Variants in MPHOSPH6 observed in about 807,000 individuals in gnomAD.
MPHOSPH6 encodes the protein M-phase phosphoprotein 6.
MPHOSPH6 carries 25 observed loss-of-function variants against 21.8 expected under a neutral mutation model. That is an observed-to-expected ratio of 1.15 (90% CI 0.83 to 1.60). MPHOSPH6 has a LOEUF of 1.60. MPHOSPH6 is among the 40% of genes most tolerant of loss of function. The probability of loss-of-function intolerance (pLI) is 0.00; values close to 1 mark genes in which losing one functional copy is unlikely to be tolerated. For synonymous variants in MPHOSPH6, 84 were observed against 56.5 expected (o/e 1.49, Z -2.18); for missense variants, 269 against 181.8 (o/e 1.48, Z -2.76).
intron 2 of MPHOSPH6, among the ~76,000 whole-genome samples, chr16:82,152,094 G>T (rs1326358154): frequency 6.6e-6 from 1 of 152,188 alleles, no homozygotes; most frequent in East Asian, 1.9e-4. Context: ...TTACCAAGAG[G>T]ATAAAAAGGA....
Position 82,164,205 on chromosome 16 carries a change from A to G in MPHOSPH6, c.52-11T>C. ...TCCCCTTTGCATAAACTGTGAAAACAAACAAAATCAATGTCAGAAACTTTT... is the reference window on the plus strand; with the variant it reads ...TCCCCTTTGCATAAACTGTGAAAACGAACAAAATCAATGTCAGAAACTTTT... On this transcript the variant is annotated splice_polypyrimidine_tract_variant and intron_variant, in intron 1 of 4. Transcript: ENST00000258169. 6.4e-7 allele frequency: 1 copy of G among 1,554,704 alleles called. No individual in the cohort carries two copies. The highest frequency in any genetic ancestry group is 8.8e-7 in the Non-Finnish European group (1 of 1,140,012).
chr16:82,163,572 C>G (rs539740318), intron 2 of MPHOSPH6, among the ~76,000 whole-genome samples: 3 of 152,190 alleles, frequency 2.0e-5, no homozygotes, highest in African/African-American at 7.2e-5. Flanking sequence ...GATTCAATAA[C>G]TACAGATGTA....
rs558161854 is a variant in MPHOSPH6, at chr16:82,163,836, G to A, written c.164+246C>T. ...GGTCTGCTGTTACTATCAGAGATAT[G>A]TGGGCTAGGTTCCTTCATTCAATGT... On this transcript the variant is annotated intron_variant, in intron 2 of 4. Coordinates refer to ENST00000258169, the MANE Select transcript of MPHOSPH6 (RefSeq NM_005792.2). 1.8e-5 allele frequency: 7 copies of A among 380,388 alleles called. No individual in the cohort carries two copies. In the East Asian group the frequency reaches 3.7e-4, roughly 20 times the overall value. 23.6% of individuals were successfully genotyped at this position (380,388 alleles called of 1,614,324 possible).
chr16:82,159,570 A>G (rs943236908), intron 2 of MPHOSPH6, among the ~76,000 whole-genome samples: 2 of 152,014 alleles, frequency 1.3e-5, no homozygotes, highest in African/African-American at 2.4e-5. Context: ...ATGCCTGGCT[A>G]ATTTTTTTTG....
At position 82,164,096 on chromosome 16, in the gene MPHOSPH6, C is replaced by T; in HGVS notation, c.150G>A (p.Glu50=). The change falls in exon 2 of 5, where the codon GAG becomes GAA. Residue 50 remains glutamate, a synonymous_variant. Coordinates refer to ENST00000258169, the MANE Select transcript of MPHOSPH6 (RefSeq NM_005792.2). ...SEEHWYLDLP[E]LKEKESFIIE... ...AATAAACCTACTCTTTCTCTTTAAG[C>T]TCTGGCAAATCCAAGTACCAGTGCT... 2.5e-6 allele frequency: 4 copies of T among 1,610,368 alleles called. No individual in the cohort carries two copies. The highest frequency in any genetic ancestry group is 3.4e-6 in the Non-Finnish European group (4 of 1,177,684).
chr16:82,149,944 A>G (rs1010662551), intron 3 of MPHOSPH6, among the ~76,000 whole-genome samples: 3 of 151,758 alleles, frequency 2.0e-5, no homozygotes, highest in African/African-American at 4.8e-5. Flanking sequence ...CCCATGTAAC[A>G]TCCATGCACC....
rs939911487 is a variant in MPHOSPH6 at position 82,148,601 on chromosome 16, T to C, written c.*130A>G. ...ACATCTGTTTCAAAAACAGCATGTT[T>C]CTAAAATGATAATCTCTTTACAAGT... On this transcript the variant is annotated 3_prime_UTR_variant, in exon 5 of 5. Coordinates refer to ENST00000258169, the MANE Select transcript of MPHOSPH6 (RefSeq NM_005792.2). The C allele has an allele frequency of 2.8e-5, 33 of 1,177,092 alleles. No homozygotes were observed. The African/African-American group carries it at 4.6e-4, about 16-fold the overall frequency. 72.9% of individuals were successfully genotyped at this position (1,177,092 alleles called of 1,614,324 possible).
At chr16:82,169,074 G>C (rs1567617654) in intron 1 of MPHOSPH6, among the ~76,000 whole-genome samples, 1 of 152,200 alleles carries the variant, frequency 6.6e-6, no homozygotes, top group South Asian at 2.1e-4. Context: ...AATTGCATAG[G>C]TTAATATACG....
intron 2 of MPHOSPH6, among the ~76,000 whole-genome samples, chr16:82,162,508 G>A (rs535478281): frequency 5.9e-5 from 9 of 152,284 alleles, no homozygotes; most frequent in South Asian, 2.1e-4. Context: ...TGGGCTGGCC[G>A]TACCCGTGAA....
intron 3 of MPHOSPH6, among the ~76,000 whole-genome samples, chr16:82,150,112 G>T (rs948063298): frequency 6.6e-6 from 1 of 151,932 alleles, no homozygotes; most frequent in Non-Finnish European, 1.5e-5. Flanking sequence ...GCTTAAAAGA[G>T]TGATAATAGT....
At chr16:82,165,144 T>TTTTTTTTTTTTTTTG (rs1555540871) in intron 1 of MPHOSPH6, among the ~76,000 whole-genome samples, 5 of 108,690 alleles carry the variant, frequency 4.6e-5, no homozygotes, top group Non-Finnish European at 9.3e-5. Context: ...TTTTTTTTTT[T>TTTTTTTTTTTTTTTG]TGAGACAGAG....
intron 2 of MPHOSPH6, among the ~76,000 whole-genome samples, chr16:82,153,300 T>C (rs913301213): frequency 6.6e-6 from 1 of 152,230 alleles, no homozygotes; most frequent in African/African-American, 2.4e-5. Context: ...CTAGCTTTCC[T>C]GCACCATAAT....
intron 2 of MPHOSPH6, among the ~76,000 whole-genome samples, chr16:82,154,292 A>G (rs1194727084): frequency 6.6e-6 from 1 of 152,196 alleles, no homozygotes; most frequent in Non-Finnish European, 1.5e-5. Context: ...TTAGCTACAA[A>G]ACACACCCTA....
rs1597162446 is a variant in MPHOSPH6 at position 82,158,834 on chromosome 16, T to G, written c.164+5248A>C. On this transcript the variant is annotated intron_variant, in intron 2 of 4. Transcript: ENST00000258169. ...TTTCTGTTGAAACCCACGGTGATAC[T>G]AATGAATGTGATTTTTGATATTGTA... Among the ~76,000 whole-genome samples, 3 of 152,382 alleles carry G rather than the reference T, an allele frequency of 2.0e-5. No homozygotes were observed. In the South Asian group the frequency reaches 6.2e-4, roughly 32 times the overall value.
At chr16:82,156,588 G>C (rs1906435035) in intron 2 of MPHOSPH6, among the ~76,000 whole-genome samples, 1 of 152,052 alleles carries the variant, frequency 6.6e-6, no homozygotes, top group African/African-American at 2.4e-5. Context: ...CACTAAAATA[G>C]TTAAAAGTAA....
chr16:82,169,794 T>C (rs1013624083), intron 1 of MPHOSPH6, among the ~76,000 whole-genome samples: 1 of 152,172 alleles, frequency 6.6e-6, no homozygotes, highest in African/African-American at 2.4e-5. Context: ...ATTGCATATA[T>C]AAGTAAGCAA....
rs548296861 is a variant in MPHOSPH6, at chr16:82,158,140, T to C, written c.164+5942A>G. On this transcript the variant is annotated intron_variant, in intron 2 of 4. Coordinates refer to ENST00000258169, the MANE Select transcript of MPHOSPH6 (RefSeq NM_005792.2). ...AGCACAAATTTATTTCTGTTAATCTTAGCCCTCAATTACTTTAAAAAATAT... is the reference window on the plus strand; with the variant it reads ...AGCACAAATTTATTTCTGTTAATCTCAGCCCTCAATTACTTTAAAAAATAT... Among the ~76,000 whole-genome samples, 4 of 152,246 alleles carry C rather than the reference T, an allele frequency of 2.6e-5. No homozygotes were observed. In the South Asian group the frequency reaches 8.3e-4, roughly 32 times the overall value.
intron 2 of MPHOSPH6, among the ~76,000 whole-genome samples, chr16:82,159,376 A>G (rs1597162688): frequency 6.6e-6 from 1 of 152,238 alleles, no homozygotes; most frequent in East Asian, 1.9e-4. Context: ...AACAAATATA[A>G]ATCACACAAA....
chr16:82,151,275 T>G, intron 3 of MPHOSPH6, 149 bp downstream of exon 3: 1 of 1,177,732 alleles, frequency 8.5e-7, no homozygotes, highest in Non-Finnish European at 1.2e-6. Context: ...CTCCAATTTC[T>G]TTAAATAGCT....
Sources: gnomAD v4.1 joint callset for allele counts (sites outside exome capture counted in the v4.1 genomes callset) on GRCh38, gnomAD v4.1.1 for gene constraint, MANE v1.5 for transcripts, NCBI Gene and HGNC (gene_info 2026-07-23, HGNC 2026-07-21) for gene names.